Variants in FRMD8 observed in about 807,000 individuals in gnomAD.
FRMD8 encodes FERM domain containing 8, also known as FERM domain-containing protein 8.
In FRMD8, 37 loss-of-function variants were observed where a neutral mutation model predicts 54.2. The observed-to-expected ratio is 0.68, with a 90% CI of 0.53 to 0.90. The LOEUF (loss-of-function observed/expected upper bound fraction) is 0.90, where lower values mean the gene tolerates loss of function less well. Among genes scored for constraint, FRMD8 ranks in the 40% least tolerant of loss-of-function variants. FRMD8 has a pLI of 0.00. For synonymous variants in FRMD8, 246 were observed against 286.9 expected (o/e 0.86, Z 1.44); for missense variants, 585 against 653.7 (o/e 0.89, Z 1.15).
At chr11:65,402,382 TGCCCTGACATCTTTGTTG>T (rs1856102274) in intron 9 of FRMD8, among the ~76,000 whole-genome samples, 1 of 152,052 alleles carries the variant, frequency 6.6e-6, no homozygotes, top group African/African-American at 2.4e-5. Flanking sequence ...GACATTGAAT[TGCCCTGACATCTTTGTTG>T]AAAATCAATT....
chr11:65,411,159 A>T, intron 10 of FRMD8, 83 bp from the exon 11 acceptor site: 1 of 1,168,334 alleles, frequency 8.6e-7, no homozygotes, highest in East Asian at 2.5e-5. Flanking sequence ...GTCGCGCTGG[A>T]GCCAGAACCT....
upstream of FRMD8, chr11:65,382,195 A>G: frequency 1.8e-6 from 1 of 564,918 alleles, no homozygotes. The surrounding 1 kb of genome is among the most constrained non-coding windows in gnomAD (Gnocchi z 4.4). Context: ...CCGGGACCAC[A>G]GAGGCCCTGA....
the FRMD8 span, chr11:65,381,560 C>A: frequency 2.4e-5 from 2 of 84,694 alleles, no homozygotes; most frequent in Non-Finnish European, 2.1e-5. Flanking sequence ...TGCCCTGATT[C>A]TTTTTTTTTT....
At chr11:65,407,936 C>T (rs578072468) in intron 10 of FRMD8, among the ~76,000 whole-genome samples, 10 of 151,344 alleles carry the variant, frequency 6.6e-5, no homozygotes, top group Non-Finnish European at 1.3e-4. Flanking sequence ...TGCAGCCATG[C>T]GCATGAGGAG....
chr11:65,371,685 G>T, the FRMD8 span, among the ~76,000 whole-genome samples: 1 of 152,194 alleles, frequency 6.6e-6, no homozygotes, highest in Admixed American at 6.5e-5. Context: ...CGCGATTTTG[G>T]CTCACTGCAA....
upstream of FRMD8, among the ~76,000 whole-genome samples, chr11:65,384,947 G>T (rs1855707132): frequency 6.6e-6 from 1 of 152,102 alleles, no homozygotes; most frequent in Non-Finnish European, 1.5e-5. Context: ...CTGGCCTCAG[G>T]CGATCCTCCT....
At chr11:65,389,597 G>A in intron 3 of FRMD8, 69 bp downstream of exon 3, 2 of 1,459,006 alleles carry the variant, frequency 1.4e-6, no homozygotes, top group Non-Finnish European at 1.8e-6. Context: ...GGAGGGAGGG[G>A]GCAGTGTTTG....
intron 7 of FRMD8, among the ~76,000 whole-genome samples, chr11:65,398,244 C>T (rs1324178900): frequency 1.3e-5 from 2 of 152,092 alleles, no homozygotes; most frequent in African/African-American, 4.8e-5. Flanking sequence ...GTGATGCTCC[C>T]GCCTCAGCCT....
At chr11:65,380,157 A>G in the FRMD8 span, 181 of 1,614,214 alleles carry the variant, frequency 1.1e-4, no homozygotes, top group Middle Eastern at 1.7e-3. Flanking sequence ...CGGGTGTCCC[A>G]GGACCAAGCC....
At chr11:65,374,295 G>A in the FRMD8 span, among the ~76,000 whole-genome samples, 4 of 152,132 alleles carry the variant, frequency 2.6e-5, no homozygotes, top group Non-Finnish European at 5.9e-5. Flanking sequence ...TAGGTGACTC[G>A]CAGAAGACCC....
chr11:65,379,509 A>G, the FRMD8 span: 2 of 1,613,902 alleles, frequency 1.2e-6, no homozygotes, highest in Non-Finnish European at 1.7e-6. Flanking sequence ...GACAGAGTTG[A>G]CCACAGCTAT....
At chr11:65,371,344 A>C in the FRMD8 span, among the ~76,000 whole-genome samples, 1 of 152,128 alleles carries the variant, frequency 6.6e-6, no homozygotes, top group Non-Finnish European at 1.5e-5. Context: ...AGCTGTGGTC[A>C]TTGCTAAAAA....
At chr11:65,387,328 A>C (rs1275186784) in intron 2 of FRMD8, 10 of 662,372 alleles carry the variant, frequency 1.5e-5, no homozygotes, top group Non-Finnish European at 2.7e-5. Context: ...TCATTTGTAA[A>C]ATGAGCTTGT....
the FRMD8 span, chr11:65,379,704 G>T: frequency 6.4e-6 from 8 of 1,246,448 alleles, no homozygotes; most frequent in South Asian, 5.7e-5. Flanking sequence ...ATGGGCTGAG[G>T]CTGCGCCTCT....
At chr11:65,384,571 C>T (rs1017285745), upstream of FRMD8, among the ~76,000 whole-genome samples, 2 of 152,208 alleles carry the variant, frequency 1.3e-5, no homozygotes, top group African/African-American at 4.8e-5. Context: ...CTTATTTCCA[C>T]TCTCAGGACG....
chr11:65,375,458 G>C, the FRMD8 span: 2 of 152,490 alleles, frequency 1.3e-5, no homozygotes, highest in Non-Finnish European at 2.9e-5. Flanking sequence ...GGTCTCGGAG[G>C]AGAGCGGGGC....
chr11:65,382,364 C>G (rs1452029185), upstream of FRMD8: 2 of 221,730 alleles, frequency 9.0e-6, no homozygotes, highest in Non-Finnish European at 1.9e-5. This position sits in a 1 kb window ranked among gnomAD's most constrained non-coding sequence, Gnocchi z 4.4. Flanking sequence ...AGGGGCATGG[C>G]CGCCCCCATG....
intron 3 of FRMD8, among the ~76,000 whole-genome samples, chr11:65,391,881 G>T (rs1038614643): frequency 6.6e-6 from 1 of 152,202 alleles, no homozygotes; most frequent in African/African-American, 2.4e-5. Flanking sequence ...TCCTGGTTTA[G>T]CCAGTAGCCC....
chr11:65,380,330 C>CA, the FRMD8 span: 3 of 1,136,064 alleles, frequency 2.6e-6, no homozygotes, highest in South Asian at 2.9e-5. Context: ...CTAGAGACTC[C>CA]AGCTGCCCCT....
Sources: gnomAD v4.1 joint callset for allele counts (sites outside exome capture counted in the v4.1 genomes callset) on GRCh38, gnomAD v4.1.1 for gene constraint, Gnocchi (gnomAD v3.1) non-coding constraint, MANE v1.5 for transcripts, NCBI Gene and HGNC (gene_info 2026-07-23, HGNC 2026-07-21) for gene names.